Variants in ADGRA3 observed in about 807,000 individuals in gnomAD.
The protein encoded by ADGRA3 is adhesion G protein-coupled receptor A3.
ADGRA3 carries 56 observed loss-of-function variants against 119.8 expected under a neutral mutation model. That is an observed-to-expected ratio of 0.47 (90% CI 0.38 to 0.58). ADGRA3 has a LOEUF of 0.58. ADGRA3 is among the 20% of genes least tolerant of loss of function. ADGRA3 has a pLI of 0.00. For synonymous variants in ADGRA3, 607 were observed against 623.8 expected (o/e 0.97, Z 0.40); for missense variants, 1,516 against 1,649.0 (o/e 0.92, Z 1.40).
In ADGRA3 at chr4:22,413,695, A is replaced by G. The variant is rs960047931; in HGVS notation, c.1929T>C (p.Asn643=). Residue 643 remains asparagine (N), a synonymous_variant, in exon 13 of 19, where the codon AAT becomes AAC. Transcript: ENST00000334304. ...LYKLQLIAFR[N]GKLFPATGNS... ...TTCCAGTGGCTGGAAAAAGCTTTCC[A>G]TTGCGGAATGCAATGAGTTGAAGCT... is the stretch of plus-strand genomic sequence containing the variant. 5 of 1,613,878 alleles carry G rather than the reference A, an allele frequency of 3.1e-6. No homozygotes were observed. Among genetic ancestry groups the G allele is most frequent in the Non-Finnish European group, 4.2e-6 (5 of 1,179,934 alleles).
intron 1 of ADGRA3, among the ~76,000 whole-genome samples, chr4:22,484,547 G>A (rs1004750430): frequency 2.6e-5 from 4 of 151,468 alleles, no homozygotes; most frequent in Admixed American, 6.6e-5. Context: ...GGAGGTTGCC[G>A]TGAGCTGAGA....
intron 1 of ADGRA3, among the ~76,000 whole-genome samples, chr4:22,510,289 C>A (rs77995409): frequency 0.023 from 3,487 of 152,238 alleles, 45 homozygotes; most frequent in Non-Finnish European, 0.029. Flanking sequence ...ACACTGCTCA[C>A]GGAGGGCACC....
intron 12 of ADGRA3, chr4:22,420,070 CACACTAAACCAGA>C (rs1283866397): frequency 6.6e-6 from 1 of 152,494 alleles, no homozygotes; most frequent in East Asian, 1.9e-4. Flanking sequence ...ATTGAGTGCT[CACACTAAACCAGA>C]ACACCTAACA....
chr4:22,397,543 T>C (rs1714415189), intron 16 of ADGRA3, among the ~76,000 whole-genome samples: 2 of 152,100 alleles, frequency 1.3e-5, no homozygotes. Flanking sequence ...TCATAGGCAG[T>C]ATGGAATTTT....
chr4:22,484,397 G>C (rs1718355155), intron 1 of ADGRA3, among the ~76,000 whole-genome samples: 1 of 152,102 alleles, frequency 6.6e-6, no homozygotes, highest in Non-Finnish European at 1.5e-5. Context: ...TTGAGGTCAG[G>C]AGTTTGAGAC....
At chr4:22,415,319 C>T (rs1005491671) in intron 12 of ADGRA3, among the ~76,000 whole-genome samples, 2 of 152,210 alleles carry the variant, frequency 1.3e-5, no homozygotes, top group South Asian at 2.1e-4. Flanking sequence ...ACAGCAGATA[C>T]CCATAAATAT....
intron 1 of ADGRA3, among the ~76,000 whole-genome samples, chr4:22,495,629 C>T (rs934218041): frequency 1.3e-5 from 2 of 151,992 alleles, no homozygotes; most frequent in Admixed American, 6.5e-5. Flanking sequence ...AAGTTATAGG[C>T]CGGGCGTGGT....
At chr4:22,450,340 A>C (rs1024724229) in intron 4 of ADGRA3, among the ~76,000 whole-genome samples, 3 of 150,928 alleles carry the variant, frequency 2.0e-5, no homozygotes, top group African/African-American at 7.3e-5. Flanking sequence ...ACAGTGGCTC[A>C]CTGCAATCTC....
chr4:22,413,417 T>G (rs765041451), intron 13 of ADGRA3, 27 bp from the exon 14 acceptor site: 6 of 1,588,558 alleles, frequency 3.8e-6, no homozygotes, highest in Non-Finnish European at 5.2e-6. Context: ...ATAAAAATAT[T>G]TCTGAAACAA....
chr4:22,404,013 T>A (rs73800932), intron 14 of ADGRA3, among the ~76,000 whole-genome samples: 1,740 of 152,278 alleles, frequency 0.011, 32 homozygotes, highest in African/African-American at 0.039. Flanking sequence ...ACAATGGGCA[T>A]CTTAATGCTA....
Position 22,387,547 on chromosome 4 carries a change from A to G in ADGRA3, c.*158T>C. 1.5e-6 allele frequency: 1 copy of G among 649,176 alleles called. No individual in the cohort carries two copies. Among genetic ancestry groups the G allele is most frequent in the Non-Finnish European group, 2.4e-6 (1 of 410,396 alleles). The allele number at this position is 649,176 out of a possible 1,614,324, so 40.2% of individuals were successfully genotyped here. On this transcript the variant is annotated 3_prime_UTR_variant, in exon 19 of 19. Transcript: ENST00000334304. Reference sequence around the variant, plus strand: ...TTTCAGATCCTAAAAAATAGCAACAATTTGGGGATAAAAATAAGTAAAATC... The same window carrying G: ...TTTCAGATCCTAAAAAATAGCAACAGTTTGGGGATAAAAATAAGTAAAATC...
Position 22,402,714 on chromosome 4 carries a change from C to T in ADGRA3, c.2318G>A (p.Cys773Tyr). 6.2e-7 allele frequency: 1 copy of T among 1,613,780 alleles called. No homozygotes were observed. Among genetic ancestry groups the T allele is most frequent in the Non-Finnish European group, 8.5e-7 (1 of 1,179,816 alleles). The change falls in exon 15 of 19, where the codon TGT (cysteine) becomes TAT (tyrosine). Residue 773 changes from cysteine to tyrosine, a missense_variant. Physicochemically the swap from Cys to Tyr is radical, Grantham distance 194 (BLOSUM62 -2). Coordinates refer to ENST00000334304, the MANE Select transcript of ADGRA3 (RefSeq NM_145290.4). ...GTAACTGACAATGACGGCTAAGAGACATAAGAGGAGAATGATAGCGGTAGT... is the reference window on the plus strand; with the variant it reads ...GTAACTGACAATGACGGCTAAGAGATATAAGAGGAGAATGATAGCGGTAGT... ...VYTTAIILLL[C>Y]LLAVIVSYIY... is the part of the protein sequence containing the mutation.
chr4:22,461,587 A>G, intron 3 of ADGRA3, 150 bp downstream of exon 3: 1 of 540,858 alleles, frequency 1.8e-6, no homozygotes, highest in East Asian at 3.3e-5. Flanking sequence ...GGCGTGAGCC[A>G]CTGTGCCCAG....
intron 1 of ADGRA3, among the ~76,000 whole-genome samples, chr4:22,510,927 A>G (rs528402104): frequency 1.3e-5 from 2 of 152,300 alleles, no homozygotes; most frequent in African/African-American, 4.8e-5. Context: ...CCTCCTAACT[A>G]GATTTAAGTC....
chr4:22,428,586 T>C (rs13109695), intron 10 of ADGRA3, among the ~76,000 whole-genome samples: 101,103 of 151,944 alleles, frequency 0.67, 34,424 homozygotes, highest in Non-Finnish European at 0.74. Flanking sequence ...GAACCTACAT[T>C]ATCATCATTG....
At position 22,389,185 on chromosome 4, in the gene ADGRA3, TAGA is replaced by T; in HGVS notation, c.2628-5_2628-3del. The T allele has an allele frequency of 2.5e-6, 4 of 1,604,684 alleles. No homozygotes were observed. The highest frequency in any genetic ancestry group is 3.4e-6 in the Non-Finnish European group (4 of 1,171,708). On this transcript the variant is annotated splice_polypyrimidine_tract_variant and splice_region_variant and intron_variant, in intron 17 of 18. Coordinates refer to ENST00000334304, the MANE Select transcript of ADGRA3 (RefSeq NM_145290.4). ...ATACCACCACCAATCAGGTAAAATC[TAGA>T]AGGAGGAATCACAGGAAAAACCACT... is the stretch of plus-strand genomic sequence containing the variant.
At chr4:22,403,899 T>G (rs1714778390) in intron 14 of ADGRA3, among the ~76,000 whole-genome samples, 1 of 152,308 alleles carries the variant, frequency 6.6e-6, no homozygotes, top group Non-Finnish European at 1.5e-5. Context: ...GTTAAAAAAC[T>G]GAGGCACAGA....
chr4:22,425,989 T>C (rs1020653309), intron 10 of ADGRA3, among the ~76,000 whole-genome samples: 8 of 152,236 alleles, frequency 5.3e-5, no homozygotes, highest in African/African-American at 1.9e-4. Context: ...CTACAGATAA[T>C]AATAGTCCTG....
At chr4:22,463,465 A>T (rs1282176404) in intron 2 of ADGRA3, among the ~76,000 whole-genome samples, 1 of 152,144 alleles carries the variant, frequency 6.6e-6, no homozygotes, top group Non-Finnish European at 1.5e-5. Context: ...AGTCTAAATT[A>T]TTTAGAGGAA....
Sources: gnomAD v4.1 joint callset for allele counts (sites outside exome capture counted in the v4.1 genomes callset) on GRCh38, gnomAD v4.1.1 for gene constraint, MANE v1.5 for transcripts, NCBI Gene and HGNC (gene_info 2026-07-23, HGNC 2026-07-21) for gene names.